BRINP2: variants seen among roughly 807,000 people sequenced by gnomAD.
BRINP2 encodes the protein BMP/retinoic acid-inducible neural-specific protein 2.
Under a neutral mutation model 69.2 loss-of-function variants are expected in BRINP2, and 21 were observed. The ratio of observed to expected loss-of-function variants is 0.30; its 90% CI spans 0.22 to 0.44. The LOEUF is 0.44. BRINP2 is among the 20% of genes least tolerant of loss of function. BRINP2 has a pLI of 1.00. For missense variants in BRINP2, 877 were observed against 986.0 expected (o/e 0.89, Z 1.48); for synonymous variants, 380 against 394.1 (o/e 0.96, Z 0.42).
chr1:177,228,484 T>C (rs552710339), intron 1 of BRINP2, among the ~76,000 whole-genome samples: 10 of 152,280 alleles, frequency 6.6e-5, no homozygotes, highest in Non-Finnish European at 4.4e-5. Flanking sequence ...GCAGGGGGCA[T>C]AAATCAAGTA....
At chr1:177,253,725 T>C (rs1043630448) in intron 2 of BRINP2, among the ~76,000 whole-genome samples, 1 of 152,162 alleles carries the variant, frequency 6.6e-6, no homozygotes, top group Non-Finnish European at 1.5e-5. Flanking sequence ...TGGTGAAAGA[T>C]AGTTTTATTC....
intron 1 of BRINP2, among the ~76,000 whole-genome samples, chr1:177,194,864 A>G (rs1038501719): frequency 1.6e-4 from 24 of 152,198 alleles, no homozygotes; most frequent in African/African-American, 5.1e-4. Context: ...GACGCTCTGT[A>G]CTTTCTCCAG....
At chr1:177,221,163 T>A (rs1301255526) in intron 1 of BRINP2, among the ~76,000 whole-genome samples, 1 of 152,206 alleles carries the variant, frequency 6.6e-6, no homozygotes. Context: ...GGGAGAACAT[T>A]ATTGGCTTCT....
chr1:177,244,300 C>T (rs1458821027), intron 2 of BRINP2, among the ~76,000 whole-genome samples: 1 of 152,112 alleles, frequency 6.6e-6, no homozygotes, highest in Non-Finnish European at 1.5e-5. Flanking sequence ...ATAGCAGCAA[C>T]AGCATACACT....
At chr1:177,239,893 T>G (rs562556749) in intron 2 of BRINP2, among the ~76,000 whole-genome samples, 6 of 152,312 alleles carry the variant, frequency 3.9e-5, no homozygotes, top group African/African-American at 1.4e-4. Context: ...TTGTACCTGT[T>G]TAATGCTCTA....
Position 177,256,683 on chromosome 1 carries a change from A to G in BRINP2, c.461-493A>G, listed in dbSNP as rs1050335106. On this transcript the variant is annotated intron_variant, in intron 3 of 7. Transcript: ENST00000361539. ...TCTGCCCTGGGAAGAAGGAAGCAGG[A>G]TTTATTATAACATTTAGCTCACTGT... The G allele has an allele frequency of 9.6e-6, 10 of 1,043,150 alleles. No homozygotes were observed. In the Middle Eastern group the frequency reaches 1.4e-3, roughly 148 times the overall value. 64.6% of individuals were successfully genotyped at this position (1,043,150 alleles called of 1,614,324 possible). A position where few individuals can be genotyped will look rare whatever the true frequency, so the allele number is the denominator to read the frequency against.
chr1:177,258,679 T>A (rs1650847537), intron 4 of BRINP2, among the ~76,000 whole-genome samples: 1 of 152,274 alleles, frequency 6.6e-6, no homozygotes, highest in Non-Finnish European at 1.5e-5. Context: ...TTACTTCGTA[T>A]CTCTGATAAT....
At chr1:177,209,062 G>A (rs1649150012) in intron 1 of BRINP2, among the ~76,000 whole-genome samples, 1 of 152,088 alleles carries the variant, frequency 6.6e-6, no homozygotes, top group Admixed American at 6.5e-5. Flanking sequence ...CCCTGTGTGT[G>A]ACCGCATGGG....
Position 177,256,047 on chromosome 1 carries a change from A to C in BRINP2, c.398A>C (p.Gln133Pro), listed in dbSNP as rs776091655. Residue 133 changes from glutamine to proline, a missense_variant, in exon 3 of 8, where the codon CAG (glutamine) becomes CCG (proline). By Grantham distance (76) the Gln-to-Pro change is moderately conservative. This residue lies in a region of BRINP2 where 566 missense variants were observed against 625.2 expected (regional missense o/e 0.91). Coordinates refer to ENST00000361539, the MANE Select transcript of BRINP2 (RefSeq NM_021165.4). ...CTTGGAAGGAGACCCAATCTGCAAC[A>C]GGTTACAGAAAATCTGATTAAAAAG... Reference protein sequence around the residue: ...RLLGRRPNLQQVTENLIKKYG... With the variant: ...RLLGRRPNLQPVTENLIKKYG... The C allele has an allele frequency of 6.2e-7, 1 of 1,614,096 alleles. No individual in the cohort carries two copies. The highest frequency in any genetic ancestry group is 8.5e-7 in the Non-Finnish European group (1 of 1,180,028).
chr1:177,241,586 A>G (rs927371807), intron 2 of BRINP2, among the ~76,000 whole-genome samples: 8 of 151,980 alleles, frequency 5.3e-5, no homozygotes, highest in Admixed American at 2.6e-4. Flanking sequence ...ATCTTTCTTC[A>G]TGAAGAAAAT....
In BRINP2 at chr1:177,193,268, A is replaced by G. The variant is rs115008340; in HGVS notation, c.-77+21536A>G. ...TGAAGGGAAGAATCAAAATTTCCCA[A>G]TAGCACTGTCATGTTTCCAAACAGT... On this transcript the variant is annotated intron_variant, in intron 1 of 7. Transcript: ENST00000361539. 7.0e-3 allele frequency among the ~76,000 whole-genome samples: 1,070 copies of G among 152,336 alleles called. 12 individuals carry two copies. The highest frequency in any genetic ancestry group is 0.023 in the African/African-American group (965 of 41,564).
At chr1:177,223,314 C>T (rs1649596924) in intron 1 of BRINP2, among the ~76,000 whole-genome samples, 1 of 152,154 alleles carries the variant, frequency 6.6e-6, no homozygotes, top group African/African-American at 2.4e-5. Flanking sequence ...TCTAATGTCA[C>T]TAAAGCTGTA....
At chr1:177,244,659 T>G (rs965036083) in intron 2 of BRINP2, among the ~76,000 whole-genome samples, 7 of 152,006 alleles carry the variant, frequency 4.6e-5, no homozygotes, top group African/African-American at 1.7e-4. Flanking sequence ...AAAACGAAAT[T>G]TATTCTTACT....
chr1:177,222,304 C>T (rs929916141), intron 1 of BRINP2, among the ~76,000 whole-genome samples: 2 of 152,088 alleles, frequency 1.3e-5, no homozygotes, highest in Admixed American at 1.3e-4. Context: ...GGGCCAGACA[C>T]CTTTTTTTCT....
intron 1 of BRINP2, among the ~76,000 whole-genome samples, chr1:177,223,837 AGGG>A (rs1649614857): frequency 6.6e-6 from 1 of 152,072 alleles, no homozygotes; most frequent in African/African-American, 2.4e-5. Context: ...GCCAGTCCTG[AGGG>A]TGACACTGAA....
intron 3 of BRINP2, chr1:177,256,842 G>A (rs1195085925): frequency 7.7e-6 from 9 of 1,166,916 alleles, no homozygotes; most frequent in Non-Finnish European, 8.6e-6. Flanking sequence ...AAAAAGCCAC[G>A]AAGACTCCTC....
chr1:177,258,949 G>A (rs1647954474), intron 4 of BRINP2, among the ~76,000 whole-genome samples: 1 of 152,076 alleles, frequency 6.6e-6, no homozygotes, highest in Admixed American at 6.5e-5. Flanking sequence ...TAACCTTAGT[G>A]GCTTCTAAGT....
At chr1:177,234,756 T>A (rs1389912421) in intron 2 of BRINP2, among the ~76,000 whole-genome samples, 1 of 152,242 alleles carries the variant, frequency 6.6e-6, no homozygotes, top group African/African-American at 2.4e-5. Flanking sequence ...GGTCTGGGGA[T>A]ACATTAGAAG....
At chr1:177,214,468 A>G (rs1329625140) in intron 1 of BRINP2, among the ~76,000 whole-genome samples, 1 of 152,218 alleles carries the variant, frequency 6.6e-6, no homozygotes, top group South Asian at 2.1e-4. Context: ...CAACAAACAA[A>G]TAAATAAAAT....
Sources: allele counts gnomAD v4.1 joint callset (sites outside exome capture counted in the v4.1 genomes callset), GRCh38; gene constraint gnomAD v4.1.1; regional missense constraint gnomAD v4.1.1; transcripts MANE v1.5; gene names NCBI Gene and HGNC (gene_info 2026-07-23, HGNC 2026-07-21).